Variants in RNF150 observed in about 807,000 individuals in gnomAD.
RNF150 encodes the protein ring finger protein 150.
RNF150 carries 24 observed loss-of-function variants against 39.3 expected under a neutral mutation model. The observed-to-expected ratio is 0.61, with a 90% CI of 0.44 to 0.86. The LOEUF (loss-of-function observed/expected upper bound fraction) is 0.86. Among genes scored for constraint, RNF150 ranks in the 40% least tolerant of loss-of-function variants. RNF150 has a pLI of 0.00. For synonymous variants in RNF150, 255 were observed against 227.3 expected, an observed-to-expected ratio of 1.12 and a Z score of -1.10; for missense variants, 502 against 587.8, an observed-to-expected ratio of 0.85 and a Z score of 1.51.
chr4:140,903,474 C>T (rs949653535), intron 6 of RNF150, among the ~76,000 whole-genome samples: 1 of 152,124 alleles, frequency 6.6e-6, no homozygotes, highest in Admixed American at 6.5e-5. Flanking sequence ...CAAATGTTAT[C>T]TTATTTACAC....
At chr4:141,074,947 T>C (rs1737842010) in intron 1 of RNF150, among the ~76,000 whole-genome samples, 1 of 152,214 alleles carries the variant, frequency 6.6e-6, no homozygotes, top group Admixed American at 6.5e-5. Flanking sequence ...ACATTACATA[T>C]TCTATTTCCC....
intron 1 of RNF150, among the ~76,000 whole-genome samples, chr4:141,038,782 C>G (rs911706828): frequency 6.6e-6 from 1 of 152,114 alleles, no homozygotes; most frequent in Non-Finnish European, 1.5e-5. Context: ...GGACAATGAT[C>G]ATAGAAGCAG....
intron 2 of RNF150, among the ~76,000 whole-genome samples, chr4:140,961,007 A>C (rs926217763): frequency 6.6e-6 from 1 of 152,112 alleles, no homozygotes; most frequent in African/African-American, 2.4e-5. Flanking sequence ...ACTTGTGCAA[A>C]GTCACACCAC....
At chr4:141,041,124 G>T (rs575006468) in intron 1 of RNF150, among the ~76,000 whole-genome samples, 22 of 152,194 alleles carry the variant, frequency 1.4e-4, no homozygotes, top group African/African-American at 5.1e-4. Flanking sequence ...GTAGTACTAA[G>T]CCTACAGCAA....
At chr4:141,204,421 C>T (rs1056903792) in intron 1 of RNF150, among the ~76,000 whole-genome samples, 1 of 152,164 alleles carries the variant, frequency 6.6e-6, no homozygotes, top group Non-Finnish European at 1.5e-5. Context: ...GCCTTCATTG[C>T]CTTCATGTTC....
At chr4:141,142,931 G>A (rs1053373913) in intron 1 of RNF150, among the ~76,000 whole-genome samples, 4 of 151,026 alleles carry the variant, frequency 2.6e-5, no homozygotes, top group Non-Finnish European at 4.4e-5. Context: ...GTGCAGTGGT[G>A]CAGTCTCGGC....
At chr4:141,028,262 T>C (rs1735796827) in intron 1 of RNF150, among the ~76,000 whole-genome samples, 1 of 152,184 alleles carries the variant, frequency 6.6e-6, no homozygotes, top group Non-Finnish European at 1.5e-5. Context: ...GTGGCTAAAA[T>C]TAGTCAGAAT....
chr4:141,089,628 C>T (rs1435066924), intron 1 of RNF150, among the ~76,000 whole-genome samples: 1 of 151,948 alleles, frequency 6.6e-6, no homozygotes, highest in Non-Finnish European at 1.5e-5. Context: ...GTGTAGATAT[C>T]TACCCAATTC....
At chr4:141,015,947 G>T (rs1358074636) in intron 1 of RNF150, among the ~76,000 whole-genome samples, 1 of 151,936 alleles carries the variant, frequency 6.6e-6, no homozygotes, top group Admixed American at 6.6e-5. Flanking sequence ...GGGGTGGGGT[G>T]TGTGAAACCA....
At chr4:140,914,168 C>T (rs1730724920) in intron 5 of RNF150, among the ~76,000 whole-genome samples, 1 of 152,094 alleles carries the variant, frequency 6.6e-6, no homozygotes, top group African/African-American at 2.4e-5. Flanking sequence ...AGTGCTGTAT[C>T]TTTAACAGAG....
At chr4:140,968,304 T>C (rs1015034602) in intron 1 of RNF150, among the ~76,000 whole-genome samples, 5 of 152,064 alleles carry the variant, frequency 3.3e-5, no homozygotes, top group African/African-American at 4.8e-5. Context: ...TCCTGTCTTA[T>C]GCCACCTGAG....
At chr4:140,893,460 C>A (rs914894835) in intron 6 of RNF150, among the ~76,000 whole-genome samples, 2 of 152,170 alleles carry the variant, frequency 1.3e-5, no homozygotes, top group Non-Finnish European at 2.9e-5. Flanking sequence ...GGAATCAAGG[C>A]AAAACCACAG....
At chr4:141,023,619 T>A (rs1321190151) in intron 1 of RNF150, among the ~76,000 whole-genome samples, 1 of 152,156 alleles carries the variant, frequency 6.6e-6, no homozygotes, top group Non-Finnish European at 1.5e-5. Flanking sequence ...AGATAATTCA[T>A]AAAAATTATT....
chr4:141,106,621 C>T (rs1196191885), intron 1 of RNF150, among the ~76,000 whole-genome samples: 3 of 151,954 alleles, frequency 2.0e-5, no homozygotes, highest in Admixed American at 6.6e-5. Flanking sequence ...GGTAAAGCCC[C>T]ATCTCTACTA....
At chr4:141,111,119 C>T (rs1739372242) in intron 1 of RNF150, among the ~76,000 whole-genome samples, 1 of 152,096 alleles carries the variant, frequency 6.6e-6, no homozygotes, top group South Asian at 2.1e-4. Context: ...AATGAATTAT[C>T]AGGACAAAAA....
chr4:141,186,095 C>T (rs900449448), intron 1 of RNF150, among the ~76,000 whole-genome samples: 2 of 152,188 alleles, frequency 1.3e-5, no homozygotes, highest in Non-Finnish European at 2.9e-5. Context: ...GGAATAGTTT[C>T]AGAAGGAATG....
At chr4:140,873,412 CCCCCCAAAGAGCCTGAAAATTG>C (rs1729026053) in intron 6 of RNF150, among the ~76,000 whole-genome samples, 2 of 151,772 alleles carry the variant, frequency 1.3e-5, no homozygotes, top group South Asian at 2.1e-4. Context: ...GGAAGGTAAT[CCCCCCAAAGAGCCTGAAAATTG>C]CCCCCAAAGA....
intron 1 of RNF150, among the ~76,000 whole-genome samples, chr4:141,000,001 AGAAGAAGAAGAAGAAG>A (rs1250304778): frequency 5.9e-4 from 18 of 30,342 alleles, no homozygotes; most frequent in Non-Finnish European, 8.3e-4. Context: ...GAAAAGAAGA[AGAAGAAGAAGAAGAAG>A]AAGAAGAAGA....
intron 1 of RNF150, among the ~76,000 whole-genome samples, chr4:141,208,051 T>C (rs1041476085): frequency 2.0e-5 from 3 of 152,264 alleles, no homozygotes; most frequent in African/African-American, 7.2e-5. Flanking sequence ...TCACCACTGA[T>C]GATCTCAGTT....
Sources: gnomAD v4.1 joint callset for allele counts (sites outside exome capture counted in the v4.1 genomes callset) on GRCh38, gnomAD v4.1.1 for gene constraint, MANE v1.5 for transcripts, NCBI Gene and HGNC (gene_info 2026-07-23, HGNC 2026-07-21) for gene names.